Variants in FAM151B observed in about 807,000 individuals in gnomAD.
FAM151B encodes the protein protein FAM151B.
Under a neutral mutation model 31.2 loss-of-function variants are expected in FAM151B, and 24 were observed. The ratio of observed to expected loss-of-function variants is 0.77; its 90% confidence interval spans 0.56 to 1.08. The LOEUF is 1.08. Among genes scored for constraint, FAM151B ranks in the 50% least tolerant of loss-of-function variants. FAM151B has a pLI of 0.00. For missense variants in FAM151B, 293 were observed against 328.6 expected, an observed-to-expected ratio of 0.89 and a Z score of 0.84; for synonymous variants, 105 against 111.4, an observed-to-expected ratio of 0.94 and a Z score of 0.36.
In FAM151B at chr5:80,541,893, GAATT is replaced by G. The variant is rs1745917957; in HGVS notation, c.*67_*70del. The G allele has an allele frequency of 6.7e-7, 1 of 1,495,822 alleles. No homozygotes were observed. Among genetic ancestry groups the G allele is most frequent in the Non-Finnish European group, 9.0e-7 (1 of 1,105,708 alleles). The allele number at this position is 1,495,822 out of a possible 1,614,324, so 92.7% of individuals were successfully genotyped here. On this transcript the variant is annotated 3_prime_UTR_variant, in exon 6 of 6. Transcript: ENST00000282226. ...TCATAATCCTTCTCTCCATTGGTCT[GAATT>G]AATTACCATATAAATTATGGTTATT...
At chr5:80,493,159 G>A (rs997322360) in intron 1 of FAM151B, among the ~76,000 whole-genome samples, 4 of 152,144 alleles carry the variant, frequency 2.6e-5, no homozygotes, top group Non-Finnish European at 5.9e-5. Flanking sequence ...GGATGTTGTG[G>A]GAAGTCAGGG....
intron 5 of FAM151B, among the ~76,000 whole-genome samples, chr5:80,531,124 C>T (rs1745224668): frequency 1.3e-5 from 2 of 152,112 alleles, no homozygotes; most frequent in South Asian, 4.1e-4. Context: ...CTGACAAAAA[C>T]AAGAAATGGG....
chr5:80,509,904 T>C (rs1274775964), intron 2 of FAM151B, among the ~76,000 whole-genome samples: 1 of 152,170 alleles, frequency 6.6e-6, no homozygotes, highest in Non-Finnish European at 1.5e-5. Context: ...GTTTTACCAC[T>C]ATGGAAAACA....
intron 2 of FAM151B, among the ~76,000 whole-genome samples, chr5:80,503,000 T>C (rs528677182): frequency 4.9e-4 from 74 of 152,278 alleles, no homozygotes; most frequent in Non-Finnish European, 8.8e-4. Context: ...TGCTAATGAG[T>C]ACAGGGTTTC....
At chr5:80,488,716 G>A (rs2112590200) in intron 1 of FAM151B, among the ~76,000 whole-genome samples, 1 of 152,256 alleles carries the variant, frequency 6.6e-6, no homozygotes, top group South Asian at 2.1e-4. Flanking sequence ...CGTCAGTGAC[G>A]CGTTCTTTCT....
At chr5:80,498,953 C>A in intron 1 of FAM151B, 1 of 230,160 alleles carries the variant, frequency 4.3e-6, no homozygotes, top group Non-Finnish European at 8.9e-6. Flanking sequence ...AGTGGTCTTC[C>A]CCGGAAGGGT....
At chr5:80,535,272 A>G (rs867665904) in intron 5 of FAM151B, among the ~76,000 whole-genome samples, 2 of 152,212 alleles carry the variant, frequency 1.3e-5, no homozygotes, top group South Asian at 4.1e-4. Context: ...ATGGAACCAC[A>G]AAGGCCCAGA....
chr5:80,533,792 AT>A (rs1745361801), intron 5 of FAM151B, among the ~76,000 whole-genome samples: 1 of 151,378 alleles, frequency 6.6e-6, no homozygotes, highest in Non-Finnish European at 1.5e-5. Flanking sequence ...TGAAATTGAA[AT>A]GAAAACAGTA....
chr5:80,501,260 TC>T, intron 1 of FAM151B: 1 of 471,616 alleles, frequency 2.1e-6, no homozygotes, highest in Non-Finnish European at 3.9e-6. Flanking sequence ...CCTCAGGTAA[TC>T]CGCCCACCTC....
chr5:80,539,805 TA>T (rs1012776743), intron 5 of FAM151B, among the ~76,000 whole-genome samples: 2 of 151,850 alleles, frequency 1.3e-5, no homozygotes, highest in Non-Finnish European at 2.9e-5. Flanking sequence ...TTTTTTTTTT[TA>T]AACTGTCTTT....
At chr5:80,510,114 C>T (rs1323237268) in intron 2 of FAM151B, among the ~76,000 whole-genome samples, 1 of 152,142 alleles carries the variant, frequency 6.6e-6, no homozygotes, top group Non-Finnish European at 1.5e-5. Flanking sequence ...TAATAGAATA[C>T]CCAAAAATGA....
intron 4 of FAM151B, among the ~76,000 whole-genome samples, chr5:80,520,293 A>G (rs1352228330): frequency 6.6e-6 from 1 of 152,154 alleles, no homozygotes; most frequent in African/African-American, 2.4e-5. Context: ...ATGTTCCTTT[A>G]CTGACTGACC....
At position 80,538,479 on chromosome 5, in the gene FAM151B, T is replaced by TTCC. The variant is rs1561383812; in HGVS notation, c.672-3193_672-3192insCCT. 3.1e-3 allele frequency among the ~76,000 whole-genome samples: 283 copies of TTCC among 92,478 alleles called. 16 individuals are homozygous for TTCC. The highest frequency in any genetic ancestry group is 6.4e-3 in the South Asian group (18 of 2,810). 60.7% of individuals were successfully genotyped at this position (92,478 alleles called of 152,430 possible). A position where few individuals can be genotyped will look rare whatever the true frequency, so the allele number is the denominator to read the frequency against. On this transcript the variant is annotated intron_variant, in intron 5 of 5. Coordinates refer to ENST00000282226, the MANE Select transcript of FAM151B (RefSeq NM_205548.3). ...CTTTCTTTCTTTCTTTCTTTCTTTC[T>TTCC]TTCTTTCCTTCCTTCCTTCCTTTCT...
intron 5 of FAM151B, among the ~76,000 whole-genome samples, chr5:80,538,537 C>CTT (rs1561384098): frequency 8.0e-6 from 1 of 125,688 alleles, no homozygotes; most frequent in African/African-American, 3.2e-5. Flanking sequence ...TCCTTCCTTC[C>CTT]TTCCTTCCTT....
At chr5:80,513,822 G>A in intron 3 of FAM151B, 53 bp downstream of exon 3, 1 of 1,506,588 alleles carries the variant, frequency 6.6e-7, no homozygotes. Context: ...AGCTGTGCCT[G>A]ACTACCTATT....
rs77460630 is a variant in FAM151B at position 80,511,693 on chromosome 5, G to A, written c.152-1911G>A. On this transcript the variant is annotated intron_variant, in intron 2 of 5. Transcript: ENST00000282226. Reference sequence around the variant, plus strand: ...ACAATCTCAGCTCACTGCAACTTCCGCCTCCTGGGTTCAAGTGATTCTCCT... The same window carrying A: ...ACAATCTCAGCTCACTGCAACTTCCACCTCCTGGGTTCAAGTGATTCTCCT... Among the ~76,000 whole-genome samples, 511 of 152,038 alleles carry A rather than the reference G, an allele frequency of 3.4e-3. 7 individuals are homozygous for A. In the East Asian group the frequency reaches 0.055, roughly 16 times the overall value.
At chr5:80,500,294 T>C (rs1228318040) in intron 1 of FAM151B, 5 of 728,844 alleles carry the variant, frequency 6.9e-6, no homozygotes, top group South Asian at 1.4e-5. Flanking sequence ...AGAACAGATA[T>C]ATAAGATGAG....
chr5:80,494,488 C>A (rs1210002666), intron 1 of FAM151B, among the ~76,000 whole-genome samples: 16 of 142,718 alleles, frequency 1.1e-4, no homozygotes, highest in African/African-American at 4.2e-4. Flanking sequence ...TTCTTTCTTT[C>A]TTTCTTTCTT....
intron 5 of FAM151B, among the ~76,000 whole-genome samples, chr5:80,536,269 C>A (rs1745511881): frequency 3.3e-5 from 5 of 152,100 alleles, no homozygotes. Context: ...CTCCCAGGTT[C>A]AAGCGATTCT....
Sources: gnomAD v4.1 joint callset for allele counts (sites outside exome capture counted in the v4.1 genomes callset) on GRCh38, gnomAD v4.1.1 for gene constraint, MANE v1.5 for transcripts, NCBI Gene and HGNC (gene_info 2026-07-23, HGNC 2026-07-21) for gene names.